Variants in ICE2 observed in about 807,000 individuals in gnomAD.
ICE2 encodes interactor of little elongation complex ELL subunit 2, also known as little elongation complex subunit 2.
A neutral mutation model predicts 105.4 loss-of-function variants in ICE2; 87 were observed. The observed-to-expected ratio is 0.83, with a 90% confidence interval of 0.69 to 0.99. The LOEUF (loss-of-function observed/expected upper bound fraction) is 0.99, where lower values mean the gene tolerates loss of function less well. Among genes scored for constraint, ICE2 ranks in the 50% least tolerant of loss-of-function variants. The pLI is 0.00. For synonymous variants in ICE2, 399 were observed against 392.0 expected, an observed-to-expected ratio of 1.02 and a Z score of -0.21; for missense variants, 1,323 against 1,146.7, an observed-to-expected ratio of 1.15 and a Z score of -2.22.
chr15:60,424,218 A>G (rs182318966), intron 15 of ICE2, among the ~76,000 whole-genome samples: 22 of 152,224 alleles, frequency 1.4e-4, no homozygotes, highest in Non-Finnish European at 4.4e-5. Flanking sequence ...AAAGATAATA[A>G]GAAGGGTAGG....
At chr15:60,463,598 C>A (rs1354197121) in intron 5 of ICE2, among the ~76,000 whole-genome samples, 1 of 152,234 alleles carries the variant, frequency 6.6e-6, no homozygotes, top group African/African-American at 2.4e-5. Flanking sequence ...TACGGTGAAA[C>A]CCCATTTCTA....
intron 12 of ICE2, among the ~76,000 whole-genome samples, chr15:60,436,967 A>T (rs992120055): frequency 8.5e-5 from 13 of 152,100 alleles, no homozygotes; most frequent in African/African-American, 2.9e-4. Context: ...ATATTTTTTA[A>T]TTAGACTGGG....
At chr15:60,458,370 C>T (rs2064184159) in intron 5 of ICE2, among the ~76,000 whole-genome samples, 2 of 152,048 alleles carry the variant, frequency 1.3e-5, no homozygotes, top group South Asian at 2.1e-4. Flanking sequence ...TTATACAATA[C>T]AGATCTATCA....
chr15:60,476,199 C>G (rs2064757781), intron 2 of ICE2, 32 bp from the exon 3 acceptor site: 1 of 1,395,368 alleles, frequency 7.2e-7, no homozygotes, highest in African/African-American at 1.4e-5. Flanking sequence ...TTACATTTGA[C>G]AATTCAAAAT....
chr15:60,449,785 C>T lies in ICE2; in HGVS notation c.1182G>A (p.Leu394=), dbSNP rs1041261694. ...RKIESLENLY[L]DFDDDVTELE... ...GTTCTGTGACATCATCATCAAAATC[C>T]AAATACAAGTTTTCAAGACTCTCAA... Residue 394 remains leucine, a synonymous_variant, in exon 10 of 16, where the codon TTG becomes TTA. Transcript: ENST00000261520. 6.2e-7 allele frequency: 1 copy of T among 1,613,844 alleles called. No individual in the cohort carries two copies. The highest frequency in any genetic ancestry group is 8.5e-7 in the Non-Finnish European group (1 of 1,179,932).
intron 13 of ICE2, among the ~76,000 whole-genome samples, chr15:60,433,188 C>T (rs1270636164): frequency 1.3e-5 from 2 of 151,268 alleles, no homozygotes; most frequent in Non-Finnish European, 2.9e-5. Flanking sequence ...CCCGGGTTCA[C>T]GCCATTCTCC....
At chr15:60,433,735 C>G (rs912135083) in intron 13 of ICE2, among the ~76,000 whole-genome samples, 1 of 151,976 alleles carries the variant, frequency 6.6e-6, no homozygotes. Context: ...AAGTGATCCA[C>G]CTGCCACAGC....
chr15:60,458,577 GGAAGCGAA>G (rs2064189196), intron 5 of ICE2, among the ~76,000 whole-genome samples: 1 of 152,066 alleles, frequency 6.6e-6, no homozygotes, highest in South Asian at 2.1e-4. Flanking sequence ...AGATCAGGTG[GGAAGCGAA>G]ACGTAAGACT....
intron 12 of ICE2, among the ~76,000 whole-genome samples, chr15:60,436,576 G>A (rs980735755): frequency 6.3e-4 from 96 of 151,390 alleles, no homozygotes; most frequent in Admixed American, 2.6e-4. Context: ...TTAGCCAGGC[G>A]TAGTGGCGGG....
chr15:60,457,307 T>C (rs942353995), intron 5 of ICE2, among the ~76,000 whole-genome samples: 12 of 152,166 alleles, frequency 7.9e-5, no homozygotes, highest in African/African-American at 2.9e-4. Flanking sequence ...TAATGACTTA[T>C]CAGGAAACAT....
chr15:60,443,382 G>C (rs1164650603), intron 11 of ICE2, among the ~76,000 whole-genome samples: 2 of 152,204 alleles, frequency 1.3e-5, no homozygotes, highest in Admixed American at 1.3e-4. Flanking sequence ...ACCATTTACA[G>C]ATTTGAAAAT....
intron 9 of ICE2, chr15:60,451,997 T>C (rs999906784): frequency 8.6e-5 from 58 of 677,086 alleles, no homozygotes; most frequent in Middle Eastern, 7.6e-4. Context: ...TCCAGCTTTT[T>C]TAGATGTCAT....
At chr15:60,426,773 C>T (rs1178455343) in intron 15 of ICE2, among the ~76,000 whole-genome samples, 1 of 152,038 alleles carries the variant, frequency 6.6e-6, no homozygotes, top group African/African-American at 2.4e-5. Context: ...AGGAATAAAC[C>T]ACTCCCACAC....
At chr15:60,429,090 A>G (rs750590479) in intron 14 of ICE2, among the ~76,000 whole-genome samples, 16 of 152,202 alleles carry the variant, frequency 1.1e-4, no homozygotes, top group South Asian at 2.1e-4. Context: ...ATAGATGACT[A>G]GATACAAAAG....
At chr15:60,472,743 T>C (rs2064639618) in intron 3 of ICE2, among the ~76,000 whole-genome samples, 1 of 152,114 alleles carries the variant, frequency 6.6e-6, no homozygotes, top group East Asian at 1.9e-4. Flanking sequence ...ATCCCGTCTA[T>C]TCAGGTGGCT....
chr15:60,452,839 G>T, intron 9 of ICE2: 1 of 983,796 alleles, frequency 1.0e-6, no homozygotes. Flanking sequence ...TCTGCCCGAG[G>T]TCACATAGCT....
chr15:60,466,517 T>C (rs146624199), intron 5 of ICE2, 77 bp downstream of exon 5: 1 of 1,530,774 alleles, frequency 6.5e-7, no homozygotes, highest in Non-Finnish European at 8.9e-7. Flanking sequence ...ATGCTTTTGG[T>C]GGAATCATCA....
In ICE2 at chr15:60,449,562, G is replaced by A. The variant is rs1295384410; in HGVS notation, c.1405C>T (p.Gln469Ter). The A allele has an allele frequency of 1.2e-6, 2 of 1,614,064 alleles. No homozygotes were observed. Among genetic ancestry groups the A allele is most frequent in the Admixed American group, 1.7e-5 (1 of 60,014 alleles). The change falls in exon 10 of 16, where the codon CAG (glutamine) becomes TAG (stop). Residue 469 changes from glutamine to a stop codon, truncating the protein, a stop_gained. Coordinates refer to ENST00000261520, the MANE Select transcript of ICE2 (RefSeq NM_024611.6). LOFTEE classifies it high-confidence loss of function. ...ILMEQLQKEK[Q>*]LVTGMDGGPE... Reference sequence around the variant, plus strand: ...CCACCATCCATACCAGTGACCAGCTGTTTCTCCTTTTGCAATTGTTCCATC... The same window carrying A: ...CCACCATCCATACCAGTGACCAGCTATTTCTCCTTTTGCAATTGTTCCATC...
chr15:60,428,406 T>G lies in ICE2; in HGVS notation c.2820+23A>C, dbSNP rs764070153. 1.8e-5 allele frequency: 29 copies of G among 1,604,684 alleles called. No individual in the cohort carries two copies. The South Asian group carries it at 3.1e-4, about 17-fold the overall frequency. ...CGAATAATAAACAACCTAATGAACC[T>G]TTAATTTCAAAAAAGATCTTACCTT... is the stretch of plus-strand genomic sequence containing the variant. On this transcript the variant is annotated intron_variant, in intron 15 of 15. Coordinates refer to ENST00000261520, the MANE Select transcript of ICE2 (RefSeq NM_024611.6).
Sources: allele counts gnomAD v4.1 joint callset (sites outside exome capture counted in the v4.1 genomes callset), GRCh38; gene constraint gnomAD v4.1.1; transcripts MANE v1.5; gene names NCBI Gene and HGNC (gene_info 2026-07-23, HGNC 2026-07-21).